SRGN: variants seen among roughly 807,000 people sequenced by gnomAD.
SRGN encodes serglycin.
Under a neutral mutation model 9.5 loss-of-function variants are expected in SRGN, and 2 were observed. That is an observed-to-expected ratio of 0.21 (90% CI 0.09 to 0.66). The LOEUF is 0.66. Among genes scored for constraint, SRGN ranks in the 30% least tolerant of loss-of-function variants. The probability of loss-of-function intolerance (pLI) is 0.83; values close to 1 mark genes in which losing one functional copy is unlikely to be tolerated. For synonymous variants in SRGN, 59 were observed against 72.3 expected (o/e 0.82, Z 0.93); for missense variants, 170 against 192.4 (o/e 0.88, Z 0.69).
chr10:69,094,127 T>C (rs1373851234), intron 1 of SRGN, among the ~76,000 whole-genome samples: 1 of 152,094 alleles, frequency 6.6e-6, no homozygotes, highest in African/African-American at 2.4e-5. Flanking sequence ...GATGAGAAAA[T>C]TGAGGCACAG....
Position 69,088,219 on chromosome 10 carries a change from T to C in SRGN, c.62T>C (p.Leu21Pro), listed in dbSNP as rs143872914. 2 of 1,614,178 alleles carry C rather than the reference T, an allele frequency of 1.2e-6. No homozygotes were observed. Among genetic ancestry groups the C allele is most frequent in the African/African-American group, 2.7e-5 (2 of 75,050 alleles). The change falls in exon 1 of 3, where the codon CTG becomes CCG. Residue 21 changes from leucine (L) to proline (P), a missense_variant. By Grantham distance (98) the Leu-to-Pro change is moderately conservative. Transcript: ENST00000242465. ...LVLALALILV[L>P]ESSVQGYPTR... Reference sequence around the variant, plus strand: ...CTGGCTCTTGCCCTCATCCTGGTTCTGGAATCCTCAGTTCAAGGTAAGACT... The same window carrying C: ...CTGGCTCTTGCCCTCATCCTGGTTCCGGAATCCTCAGTTCAAGGTAAGACT...
At chr10:69,094,760 T>C (rs1840140038) in intron 1 of SRGN, among the ~76,000 whole-genome samples, 1 of 151,954 alleles carries the variant, frequency 6.6e-6, no homozygotes, top group Admixed American at 6.6e-5. Context: ...AGCTAATTTT[T>C]AAAATCTTTT....
chr10:69,090,860 C>T (rs747899989), intron 1 of SRGN, among the ~76,000 whole-genome samples: 3 of 152,102 alleles, frequency 2.0e-5, no homozygotes, highest in Non-Finnish European at 2.9e-5. Context: ...ATGTAGGGCT[C>T]CAGGGGATTT....
intron 2 of SRGN, among the ~76,000 whole-genome samples, chr10:69,103,183 C>A (rs985237834): frequency 6.6e-6 from 1 of 152,056 alleles, no homozygotes; most frequent in Non-Finnish European, 1.5e-5. Context: ...CAAGTGATCA[C>A]CCACCTTGGC....
chr10:69,090,763 G>T (rs1177696490), intron 1 of SRGN, among the ~76,000 whole-genome samples: 1 of 152,210 alleles, frequency 6.6e-6, no homozygotes. Context: ...AAGTAAAGAT[G>T]TGGGGTAAGA....
chr10:69,099,736 T>C (rs1000625767), intron 2 of SRGN, among the ~76,000 whole-genome samples: 5 of 152,220 alleles, frequency 3.3e-5, no homozygotes, highest in African/African-American at 1.2e-4. Context: ...AGCCTCAGCA[T>C]TAAGTTTGAA....
At chr10:69,087,912 C>A (rs1180990310), upstream of SRGN, among the ~76,000 whole-genome samples, 1 of 152,030 alleles carries the variant, frequency 6.6e-6, no homozygotes, top group African/African-American at 2.4e-5. Flanking sequence ...TTTGAAAAAG[C>A]AGGCCTGGGG....
chr10:69,090,004 G>C (rs1390410250), intron 1 of SRGN, among the ~76,000 whole-genome samples: 3 of 152,158 alleles, frequency 2.0e-5, no homozygotes. Context: ...TCATGACCTC[G>C]TAGGTTTAGC....
chr10:69,090,554 C>T (rs1214102836), intron 1 of SRGN, among the ~76,000 whole-genome samples: 1 of 152,186 alleles, frequency 6.6e-6, no homozygotes, highest in Non-Finnish European at 1.5e-5. Flanking sequence ...CATGGCCTTT[C>T]CTCCATGCAT....
chr10:69,101,205 T>G (rs1401264404), intron 2 of SRGN, among the ~76,000 whole-genome samples: 1 of 152,036 alleles, frequency 6.6e-6, no homozygotes, highest in East Asian at 1.9e-4. Context: ...CCCCAAATGA[T>G]CTGCCTGCCT....
At chr10:69,102,717 A>G (rs1266287818) in intron 2 of SRGN, among the ~76,000 whole-genome samples, 1 of 152,164 alleles carries the variant, frequency 6.6e-6, no homozygotes, top group Non-Finnish European at 1.5e-5. Flanking sequence ...CTTACCTTTC[A>G]GCACTCTTCA....
At chr10:69,093,078 C>T (rs1382794520) in intron 1 of SRGN, among the ~76,000 whole-genome samples, 1 of 152,126 alleles carries the variant, frequency 6.6e-6, no homozygotes, top group African/African-American at 2.4e-5. Context: ...CCTGTGTGAG[C>T]AAACATTTTC....
chr10:69,096,384 T>C (rs1055674994), intron 1 of SRGN, among the ~76,000 whole-genome samples: 1 of 152,228 alleles, frequency 6.6e-6, no homozygotes, highest in Non-Finnish European at 1.5e-5. Context: ...TTAAATTCTC[T>C]AAGTGTATTT....
chr10:69,088,255 G>T lies in SRGN; in HGVS notation c.79+19G>T. ...GTTCAAGGTAAGACTCAGGAGTCTT[G>T]TTCCCCAGCCATCTTCTCTGTAAGC... On this transcript the variant is annotated intron_variant, in intron 1 of 2. Coordinates refer to ENST00000242465, the MANE Select transcript of SRGN (RefSeq NM_002727.4). 1.2e-6 allele frequency: 2 copies of T among 1,601,778 alleles called. No individual in the cohort carries two copies. Among genetic ancestry groups the T allele is most frequent in the Non-Finnish European group, 1.7e-6 (2 of 1,168,846 alleles).
At chr10:69,096,354 A>T (rs942227893) in intron 1 of SRGN, among the ~76,000 whole-genome samples, 1 of 152,222 alleles carries the variant, frequency 6.6e-6, no homozygotes, top group African/African-American at 2.4e-5. Flanking sequence ...TCAAGTGCTT[A>T]CTGTGTGCCT....
chr10:69,089,333 GGAA>G (rs1237286012), intron 1 of SRGN, among the ~76,000 whole-genome samples: 1 of 152,102 alleles, frequency 6.6e-6, no homozygotes, highest in African/African-American at 2.4e-5. Flanking sequence ...TCAATTGTAG[GGAA>G]CAGGCTTCAC....
Position 69,097,199 on chromosome 10 carries a change from C to CAAG in SRGN, c.197_199dup (p.Lys66dup). 2 of 1,614,018 alleles carry CAAG rather than the reference C, an allele frequency of 1.2e-6. No individual in the cohort carries two copies. On this transcript the variant is annotated inframe_insertion, in exon 2 of 3. Coordinates refer to ENST00000242465, the MANE Select transcript of SRGN (RefSeq NM_002727.4). ...TCGAACTACTTCCAGGTGAATCCAA[C>CAAG]AAGATCCCCCGTCTGAGGACTGACC... is the stretch of plus-strand genomic sequence containing the variant.
chr10:69,102,719 C>A (rs1840318034), intron 2 of SRGN, among the ~76,000 whole-genome samples: 1 of 152,186 alleles, frequency 6.6e-6, no homozygotes, highest in South Asian at 2.1e-4. Context: ...TACCTTTCAG[C>A]ACTCTTCAGC....
rs186862333 is a variant in SRGN at position 69,088,740 on chromosome 10, T to C, written c.79+504T>C. Among the ~76,000 whole-genome samples the C allele has an allele frequency of 9.9e-5, 15 of 152,096 alleles. No individual in the cohort carries two copies. In the East Asian group the frequency reaches 2.9e-3, roughly 29 times the overall value. On this transcript the variant is annotated intron_variant, in intron 1 of 2. Coordinates refer to ENST00000242465, the MANE Select transcript of SRGN (RefSeq NM_002727.4). The stretch of plus-strand genomic sequence containing the variant: ...CTTTTTTTTTTTTTTAAAGATAAAC[T>C]TGGTTCTTACTGAAAACTCAATTAT...
Sources: allele counts gnomAD v4.1 joint callset (sites outside exome capture counted in the v4.1 genomes callset), GRCh38; gene constraint gnomAD v4.1.1; transcripts MANE v1.5; gene names NCBI Gene and HGNC (gene_info 2026-07-23, HGNC 2026-07-21).